NVL: variants seen among roughly 807,000 people sequenced by gnomAD.
NVL encodes nuclear valosin-containing protein-like.
In NVL, 84 loss-of-function variants were observed where a neutral mutation model predicts 110.2. That is an observed-to-expected ratio of 0.76 (90% CI 0.64 to 0.91). The LOEUF is 0.91. Ranked by LOEUF, NVL falls within the 40% of genes least tolerant of loss-of-function variation. NVL has a pLI of 0.00. For missense variants in NVL, 882 were observed against 1,035.9 expected, an observed-to-expected ratio of 0.85 and a Z score of 2.04; for synonymous variants, 354 against 361.1, an observed-to-expected ratio of 0.98 and a Z score of 0.22.
At chr1:224,267,172 T>C (rs1299684560) in intron 18 of NVL, among the ~76,000 whole-genome samples, 1 of 152,204 alleles carries the variant, frequency 6.6e-6, no homozygotes, top group Non-Finnish European at 1.5e-5. Context: ...AGCCATCTTC[T>C]GCACTTCTGT....
At chr1:224,244,281 C>T (rs1445575033) in intron 19 of NVL, among the ~76,000 whole-genome samples, 2 of 151,132 alleles carry the variant, frequency 1.3e-5, no homozygotes, top group African/African-American at 4.9e-5. Flanking sequence ...GCAGGAGAAT[C>T]ACTTGAACCC....
intron 18 of NVL, among the ~76,000 whole-genome samples, chr1:224,266,003 C>G (rs1558276973): frequency 6.6e-6 from 1 of 152,148 alleles, no homozygotes; most frequent in Non-Finnish European, 1.5e-5. Flanking sequence ...TATTAATATA[C>G]TGCACATATG....
intron 18 of NVL, among the ~76,000 whole-genome samples, chr1:224,264,763 C>A (rs1664324447): frequency 6.6e-6 from 1 of 151,720 alleles, no homozygotes; most frequent in African/African-American, 2.4e-5. Flanking sequence ...TTTTTTGAGA[C>A]AGAGTCTCGC....
At chr1:224,303,665 CA>C (rs1430232148) in intron 9 of NVL, 57 bp downstream of exon 9, 33 of 1,568,678 alleles carry the variant, frequency 2.1e-5, no homozygotes, top group Non-Finnish European at 2.7e-5. Context: ...AGAGAAAAAA[CA>C]AAAACAAATA....
At chr1:224,290,693 T>C (rs1349226374) in intron 12 of NVL, among the ~76,000 whole-genome samples, 1 of 148,960 alleles carries the variant, frequency 6.7e-6, no homozygotes, top group Non-Finnish European at 1.5e-5. Context: ...TCCCAGCTAC[T>C]CGGGAGGCTG....
intron 11 of NVL, among the ~76,000 whole-genome samples, chr1:224,295,874 T>C (rs1312993791): frequency 5.0e-5 from 7 of 138,784 alleles, no homozygotes; most frequent in African/African-American, 1.6e-4. Context: ...GCTGAGGAGG[T>C]GAATAGGTTG....
chr1:224,235,649 G>T (rs771185715), intron 20 of NVL, among the ~76,000 whole-genome samples: 3 of 152,000 alleles, frequency 2.0e-5, no homozygotes, highest in African/African-American at 4.8e-5. Context: ...AAAAAAAAAG[G>T]GCCGGGTGTG....
At chr1:224,305,280 C>T in intron 6 of NVL, 114 bp from the exon 7 acceptor site, 1 of 1,023,840 alleles carries the variant, frequency 9.8e-7, no homozygotes, top group Non-Finnish European at 1.4e-6. Context: ...AGCACTTTCA[C>T]CTCTGTTAAC....
In NVL at chr1:224,294,495, G is replaced by T. The variant is rs1667690159; in HGVS notation, c.1181-84C>A. On this transcript the variant is annotated intron_variant, in intron 11 of 22. Transcript: ENST00000281701. ...GTTACAGAATCATTTCATGGTTAAA[G>T]ATAAAGTATTACAGATTTTGACAGC... The T allele has an allele frequency of 2.8e-6, 4 of 1,427,740 alleles. No individual in the cohort carries two copies. In the Admixed American group the frequency reaches 5.4e-5, roughly 19 times the overall value. 88.4% of individuals were successfully genotyped at this position (1,427,740 alleles called of 1,614,324 possible).
chr1:224,316,349 T>C (rs962421449), intron 4 of NVL, among the ~76,000 whole-genome samples: 1 of 152,010 alleles, frequency 6.6e-6, no homozygotes, highest in African/African-American at 2.4e-5. Flanking sequence ...CAAATAAAAT[T>C]CTACAAAATG....
intron 2 of NVL, among the ~76,000 whole-genome samples, chr1:224,320,994 G>A (rs1670590479): frequency 6.6e-6 from 1 of 152,136 alleles, no homozygotes. Flanking sequence ...GCTCATGCCT[G>A]GAATCCTAGC....
chr1:224,265,482 C>T (rs1053741577), intron 18 of NVL, among the ~76,000 whole-genome samples: 8 of 151,926 alleles, frequency 5.3e-5, no homozygotes, highest in Non-Finnish European at 7.4e-5. Flanking sequence ...CCAGCCTGGG[C>T]AGTAGACCAA....
intron 9 of NVL, among the ~76,000 whole-genome samples, chr1:224,302,483 G>C: frequency 6.6e-6 from 1 of 152,186 alleles, no homozygotes; most frequent in East Asian, 1.9e-4. Context: ...TTACAGGCAT[G>C]AGCCACTGCG....
At chr1:224,258,306 G>C (rs1663529552) in intron 18 of NVL, among the ~76,000 whole-genome samples, 1 of 152,100 alleles carries the variant, frequency 6.6e-6, no homozygotes, top group African/African-American at 2.4e-5. Flanking sequence ...TCAGTTATCA[G>C]GGAAATGCAA....
In NVL at chr1:224,250,194, A is replaced by G. The variant is rs756173028; in HGVS notation, c.2289+18T>C. On this transcript the variant is annotated intron_variant, in intron 19 of 22. Coordinates refer to ENST00000281701, the MANE Select transcript of NVL (RefSeq NM_002533.4). ...ACAAGAGAAACATATACAAAAATAT[A>G]CCATTTCCTTTACTCACTTTTGTGA... The G allele has an allele frequency of 2.5e-6, 4 of 1,606,906 alleles. No homozygotes were observed. In the South Asian group the frequency reaches 4.5e-5, roughly 18 times the overall value.
intron 15 of NVL, 94 bp from the exon 16 acceptor site, chr1:224,281,279 G>A: frequency 1.2e-6 from 1 of 800,980 alleles, no homozygotes. Flanking sequence ...AAAGGACTCT[G>A]TGTGCGTGTG....
chr1:224,247,209 C>CT (rs985926519), intron 19 of NVL, among the ~76,000 whole-genome samples: 24 of 151,888 alleles, frequency 1.6e-4, no homozygotes, highest in African/African-American at 5.8e-4. Flanking sequence ...TCGGATAATA[C>CT]TTTTTTTTCC....
chr1:224,312,010 C>T, intron 4 of NVL, 153 bp from the exon 5 acceptor site: 1 of 608,782 alleles, frequency 1.6e-6, no homozygotes, highest in Non-Finnish European at 2.9e-6. Context: ...CAAAATCCAA[C>T]TTAACCAGTT....
chr1:224,229,147 T>A (rs987992073), intron 22 of NVL, among the ~76,000 whole-genome samples: 8 of 150,632 alleles, frequency 5.3e-5, no homozygotes, highest in Non-Finnish European at 7.4e-5. Context: ...ATACAAAAAA[T>A]TAGCCGGGTG....
Sources: allele counts gnomAD v4.1 joint callset (sites outside exome capture counted in the v4.1 genomes callset), GRCh38; gene constraint gnomAD v4.1.1; transcripts MANE v1.5; gene names NCBI Gene and HGNC (gene_info 2026-07-23, HGNC 2026-07-21).